The following NIN variants were observed in gnomAD, a reference collection of about 807,000 sequenced individuals.
The protein encoded by NIN is ninein.
NIN carries 137 observed loss-of-function variants against 257.6 expected under a neutral mutation model. That is an observed-to-expected ratio of 0.53 (90% confidence interval 0.46 to 0.61). The LOEUF is 0.61. Among genes scored for constraint, NIN ranks in the 20% least tolerant of loss-of-function variants. The pLI is 0.00. For missense variants in NIN, 2,439 were observed against 2,501.2 expected, an observed-to-expected ratio of 0.98 and a Z score of 0.53; for synonymous variants, 918 against 919.8, an observed-to-expected ratio of 1.00 and a Z score of 0.04.
Position 50,772,433 on chromosome 14 carries a change from T to C in NIN, c.849A>G (p.Ser283=). 6.2e-7 allele frequency: 1 copy of C among 1,614,194 alleles called. No individual in the cohort carries two copies. The highest frequency in any genetic ancestry group is 2.2e-5 in the East Asian group (1 of 44,882). ...FDESGRRTTT[S]SAMTSTIGFR... ...AGCCAATGGTACTTGTCATTGCTGATGAGGTTGTGGTACGTCGTCCACTCT... is the reference window on the plus strand; with the variant it reads ...AGCCAATGGTACTTGTCATTGCTGACGAGGTTGTGGTACGTCGTCCACTCT... The change falls in exon 9 of 31, where the codon TCA becomes TCG. Residue 283 remains serine (S), a synonymous_variant. Coordinates refer to ENST00000530997, the MANE Select transcript of NIN (RefSeq NM_020921.4).
In NIN at chr14:50,724,387, G is replaced by A. The variant is rs114686342; in HGVS notation, c.6193-715C>T. 4.3e-3 allele frequency: 935 copies of A among 217,480 alleles called. 4 individuals carry two copies. Among genetic ancestry groups the A allele is most frequent in the African/African-American group, 0.02 (895 of 44,502 alleles). The allele number at this position is 217,480 out of a possible 1,614,324, so 13.5% of individuals were successfully genotyped here. A position where few individuals can be genotyped will look rare whatever the true frequency, so the allele number is the denominator to read the frequency against. On this transcript the variant is annotated intron_variant, in intron 30 of 30. Coordinates refer to ENST00000530997, the MANE Select transcript of NIN (RefSeq NM_020921.4). Reference sequence around the variant, plus strand: ...GTATAAAGGTTTATGAGAATAAAGAGTAACTAAAGAGTAGCTTAACAACCT... The same window carrying A: ...GTATAAAGGTTTATGAGAATAAAGAATAACTAAAGAGTAGCTTAACAACCT...
chr14:50,724,488 A>C (rs774978199), intron 30 of NIN, among the ~76,000 whole-genome samples: 2 of 152,222 alleles, frequency 1.3e-5, no homozygotes, highest in Non-Finnish European at 2.9e-5. Context: ...CAGACATCAC[A>C]TAACATTTCA....
intron 3 of NIN, among the ~76,000 whole-genome samples, chr14:50,819,805 C>T (rs1015469285): frequency 6.6e-6 from 1 of 152,134 alleles, no homozygotes; most frequent in Admixed American, 6.5e-5. Flanking sequence ...AAGCTGCTAA[C>T]CCTTATAAGT....
intron 4 of NIN, among the ~76,000 whole-genome samples, chr14:50,793,257 G>A (rs1203136202): frequency 1.3e-5 from 2 of 151,948 alleles, no homozygotes; most frequent in African/African-American, 4.8e-5. Flanking sequence ...CACCTTGGAG[G>A]AAGTCTTAGA....
intron 2 of NIN, among the ~76,000 whole-genome samples, chr14:50,828,893 G>C (rs1428254766): frequency 6.6e-6 from 1 of 152,104 alleles, no homozygotes; most frequent in Non-Finnish European, 1.5e-5. Context: ...AAATGAAAAA[G>C]AAATAAGAAA....
intron 25 of NIN, among the ~76,000 whole-genome samples, chr14:50,740,474 G>A (rs970518577): frequency 4.1e-4 from 62 of 151,966 alleles, no homozygotes; most frequent in African/African-American, 1.5e-3. Flanking sequence ...TTAGCCTCCC[G>A]AGTAGCTGGG....
intron 3 of NIN, among the ~76,000 whole-genome samples, chr14:50,812,717 A>G (rs56839549): frequency 0.15 from 22,525 of 152,174 alleles, 1,865 homozygotes; most frequent in East Asian, 0.35. Context: ...AATTCTCTCA[A>G]ATCTTCACAG....
intron 29 of NIN, among the ~76,000 whole-genome samples, chr14:50,726,977 TGTA>T (rs923059723): frequency 2.6e-5 from 4 of 152,148 alleles, no homozygotes; most frequent in South Asian, 2.1e-4. Flanking sequence ...CCCTAAATCA[TGTA>T]GTAACTATCC....
At chr14:50,800,130 C>G (rs949417183) in intron 4 of NIN, among the ~76,000 whole-genome samples, 1 of 152,064 alleles carries the variant, frequency 6.6e-6, no homozygotes, top group Admixed American at 6.6e-5. Flanking sequence ...ATTTCTTGCA[C>G]ATATACATAT....
intron 5 of NIN, chr14:50,792,401 A>G (rs2043636358): frequency 3.3e-6 from 1 of 306,880 alleles, no homozygotes; most frequent in African/African-American, 2.1e-5. Context: ...TGATCATGCT[A>G]TAGAGGAGAG....
chr14:50,826,310 C>G (rs1372073463), intron 2 of NIN, among the ~76,000 whole-genome samples: 5 of 152,192 alleles, frequency 3.3e-5, no homozygotes, highest in African/African-American at 7.2e-5. Context: ...CTTTATGACT[C>G]TTTCGGAATG....
intron 2 of NIN, among the ~76,000 whole-genome samples, chr14:50,822,501 T>C (rs527564133): frequency 2.6e-5 from 4 of 152,322 alleles, no homozygotes; most frequent in African/African-American, 9.6e-5. Context: ...AGTGAACTAA[T>C]TGTTAGCGCC....
chr14:50,806,397 A>G (rs1285283474), intron 4 of NIN: 1 of 177,414 alleles, frequency 5.6e-6, no homozygotes, highest in African/African-American at 2.4e-5. Flanking sequence ...CCTTCAGGAA[A>G]AAATTTCCCC....
chr14:50,761,819 A>G lies in NIN; in HGVS notation c.1867T>C (p.Cys623Arg), dbSNP rs760650045. ...TCTTCGAGCTCCAGTCTGAGGCAAC[A>G]TATGTCCCTGTGATGTTGTTCTTTC... is the stretch of plus-strand genomic sequence containing the variant. ...QMKEQHHRDI[C>R]CLRLELEDKV... is the part of the protein sequence containing the mutation. The change falls in exon 16 of 31, where the codon TGT becomes CGT. Residue 623 changes from cysteine to arginine, a missense_variant. By Grantham distance (180) the Cys-to-Arg change is radical (BLOSUM62 -3). Coordinates refer to ENST00000530997, the MANE Select transcript of NIN (RefSeq NM_020921.4). 7 of 1,614,210 alleles carry G rather than the reference A, an allele frequency of 4.3e-6. No individual in the cohort carries two copies. In the Admixed American group the frequency reaches 1.0e-4, roughly 23 times the overall value.
At chr14:50,791,328 CAA>C (rs2043580644) in intron 5 of NIN, among the ~76,000 whole-genome samples, 1 of 152,298 alleles carries the variant, frequency 6.6e-6, no homozygotes, top group Non-Finnish European at 1.5e-5. Flanking sequence ...TCTCAATTCG[CAA>C]AGAGACCCAA....
At chr14:50,766,454 C>T in intron 13 of NIN, 58 bp from the exon 14 acceptor site, 2 of 1,468,846 alleles carry the variant, frequency 1.4e-6, no homozygotes, top group Non-Finnish European at 1.9e-6. Context: ...TTTGACCCAA[C>T]ACAGCAAAGG....
chr14:50,811,651 G>A lies in NIN; in HGVS notation c.184-4833C>T, dbSNP rs181846302. On this transcript the variant is annotated intron_variant, in intron 3 of 30. Coordinates refer to ENST00000530997, the MANE Select transcript of NIN (RefSeq NM_020921.4). Reference sequence around the variant, plus strand: ...GCAGTGGCTCACACCTGTAATCCCAGCACTTTGTGAGGCCAAAGCGGGCTG... The same window carrying A: ...GCAGTGGCTCACACCTGTAATCCCAACACTTTGTGAGGCCAAAGCGGGCTG... 2.2e-3 allele frequency among the ~76,000 whole-genome samples: 294 copies of A among 136,320 alleles called. 1 individual carries two copies. Among genetic ancestry groups the A allele is most frequent in the African/African-American group, 7.7e-3 (283 of 36,520 alleles). The allele number at this position is 136,320 out of a possible 152,430, so 89.4% of individuals were successfully genotyped here.
At chr14:50,776,792 G>A (rs1483419403) in intron 7 of NIN, among the ~76,000 whole-genome samples, 157 bp downstream of exon 7, 2 of 152,134 alleles carry the variant, frequency 1.3e-5, no homozygotes, top group African/African-American at 4.8e-5. Flanking sequence ...AACACAACAA[G>A]AGCTCCTCAG....
At chr14:50,808,891 TA>T (rs1430486379) in intron 3 of NIN, among the ~76,000 whole-genome samples, 1 of 152,162 alleles carries the variant, frequency 6.6e-6, no homozygotes, top group Non-Finnish European at 1.5e-5. Context: ...GCTATAGTAA[TA>T]GGGGTGACTG....
Sources: gnomAD v4.1 joint callset for allele counts (sites outside exome capture counted in the v4.1 genomes callset) on GRCh38, gnomAD v4.1.1 for gene constraint, MANE v1.5 for transcripts, NCBI Gene and HGNC (gene_info 2026-07-23, HGNC 2026-07-21) for gene names.